Variants in SLC29A4 observed in about 807,000 individuals in gnomAD.
The protein encoded by SLC29A4 is equilibrative nucleoside transporter 4.
In SLC29A4, 36 loss-of-function variants were observed where a neutral mutation model predicts 43.9. The observed-to-expected ratio is 0.82, with a 90% CI of 0.63 to 1.08. SLC29A4 has a LOEUF of 1.08. Ranked by LOEUF, SLC29A4 falls within the 50% of genes least tolerant of loss-of-function variation. The pLI is 0.00. For missense variants in SLC29A4, 869 were observed against 755.3 expected (o/e 1.15, Z -1.77); for synonymous variants, 491 against 338.0 (o/e 1.45, Z -4.97).
intron 7 of SLC29A4, 46 bp downstream of exon 7, chr7:5,297,244 C>T (rs1785769809): frequency 4.0e-6 from 6 of 1,482,442 alleles, no homozygotes; most frequent in Non-Finnish European, 5.4e-6. Flanking sequence ...GTCCCCTTCT[C>T]TGTCCCCACC....
chr7:5,302,065 C>T (rs1786207608), intron 10 of SLC29A4, among the ~76,000 whole-genome samples: 2 of 152,202 alleles, frequency 1.3e-5, no homozygotes, highest in Admixed American at 6.5e-5. Flanking sequence ...ATTCTCATGC[C>T]TCAGCCTCCT....
intron 7 of SLC29A4, 73 bp from the exon 8 acceptor site, chr7:5,298,915 G>A: frequency 6.5e-7 from 1 of 1,538,814 alleles, no homozygotes. Flanking sequence ...CTTCTGATTG[G>A]GCCTGGATTC....
At chr7:5,302,228 G>T (rs568844349) in intron 10 of SLC29A4, among the ~76,000 whole-genome samples, 1 of 152,298 alleles carries the variant, frequency 6.6e-6, no homozygotes, top group African/African-American at 2.4e-5. Flanking sequence ...TGGGATTATA[G>T]GTGTCAGCCA....
chr7:5,306,904 A>G lies in SLC29A4; in HGVS notation c.*3965A>G, dbSNP rs1460699512. ...AAAAAAAAAACCAATAATTCCCCCA[A>G]AAAACAAACCCAAAGTCTGGCTTTT... is the stretch of plus-strand genomic sequence containing the variant. On this transcript the variant is annotated 3_prime_UTR_variant, in exon 11 of 11. Coordinates refer to ENST00000396872, the MANE Select transcript of SLC29A4 (RefSeq NM_153247.4). 2 of 151,298 alleles carry G rather than the reference A, an allele frequency of 1.3e-5. No homozygotes were observed. Among genetic ancestry groups the G allele is most frequent in the African/African-American group, 2.4e-5 (1 of 41,130 alleles). 9.4% of individuals were successfully genotyped at this position (151,298 alleles called of 1,614,324 possible).
chr7:5,299,018 G>C lies in SLC29A4; in HGVS notation c.913G>C (p.Glu305Gln). 6.2e-7 allele frequency: 1 copy of C among 1,610,942 alleles called. No individual in the cohort carries two copies. Among genetic ancestry groups the C allele is most frequent in the South Asian group, 1.1e-5 (1 of 91,004 alleles). ...EHPAPALAPN[E>Q]SPKDSPAHEV... is the part of the protein sequence containing the mutation. Reference sequence around the variant, plus strand: ...CCCAGCCCCGGCCCTGGCCCCCAACGAGTCCCCAAAGGACAGCCCAGCCCA... The same window carrying C: ...CCCAGCCCCGGCCCTGGCCCCCAACCAGTCCCCAAAGGACAGCCCAGCCCA... Residue 305 changes from glutamate (E) to glutamine (Q), a missense_variant, in exon 8 of 11, where the codon GAG becomes CAG. Transcript: ENST00000396872.
intron 6 of SLC29A4, among the ~76,000 whole-genome samples, chr7:5,295,957 C>A (rs114091752): frequency 2.0e-5 from 3 of 152,124 alleles, no homozygotes; most frequent in African/African-American, 7.2e-5. Flanking sequence ...CCCACCATGG[C>A]CCTGACCCAC....
Position 5,299,231 on chromosome 7 carries a change from A to G in SLC29A4, c.1022-9A>G, listed in dbSNP as rs1371252068. On this transcript the variant is annotated splice_polypyrimidine_tract_variant and intron_variant, in intron 8 of 10. Transcript: ENST00000396872. ...GCGCTGCCTCTGACCCCCGCCCGCCACCCTCCAGCCCTGTTACTGCACCGC... is the reference window on the plus strand; with the variant it reads ...GCGCTGCCTCTGACCCCCGCCCGCCGCCCTCCAGCCCTGTTACTGCACCGC... 1 of 1,607,468 alleles carries G rather than the reference A, an allele frequency of 6.2e-7. No individual in the cohort carries two copies. The highest frequency in any genetic ancestry group is 2.2e-5 in the East Asian group (1 of 44,736).
chr7:5,300,282 C>T (rs752668677), intron 9 of SLC29A4, 140 bp from the exon 10 acceptor site: 146 of 1,293,732 alleles, frequency 1.1e-4, no homozygotes, highest in East Asian at 4.3e-4. Context: ...AGGGGTGATC[C>T]GGAGAAGGGC....
rs555894375 is a variant in SLC29A4 at position 5,306,849 on chromosome 7, G to C, written c.*3910G>C. 23 of 147,968 alleles carry C rather than the reference G, an allele frequency of 1.6e-4. No individual in the cohort carries two copies. The South Asian group carries it at 3.2e-3, about 21-fold the overall frequency. The allele number at this position is 147,968 out of a possible 1,614,324, so 9.2% of individuals were successfully genotyped here. A position where few individuals can be genotyped will look rare whatever the true frequency, so the allele number is the denominator to read the frequency against. ...TATGAAAAAAGATCACACAGAATTTGCCAACAAACAAAATTCCAAAAGAAA... is the reference window on the plus strand; with the variant it reads ...TATGAAAAAAGATCACACAGAATTTCCCAACAAACAAAATTCCAAAAGAAA... On this transcript the variant is annotated 3_prime_UTR_variant, in exon 11 of 11. Transcript: ENST00000396872.
intron 4 of SLC29A4, 144 bp from the exon 5 acceptor site, chr7:5,291,547 CCT>C (rs1268852242): frequency 2.7e-6 from 3 of 1,118,926 alleles, no homozygotes; most frequent in Non-Finnish European, 3.7e-6. Flanking sequence ...TCCAGGTGCC[CCT>C]GTTAGACTCG....
intron 3 of SLC29A4, 108 bp downstream of exon 3, chr7:5,290,971 CA>C (rs1785266801): frequency 6.5e-7 from 1 of 1,534,726 alleles, no homozygotes; most frequent in Non-Finnish European, 8.8e-7. Flanking sequence ...CTGTTTTATT[CA>C]GATCTCGGCT....
chr7:5,299,299 G>T lies in SLC29A4; in HGVS notation c.1081G>T (p.Ala361Ser), dbSNP rs773348661. The T allele has an allele frequency of 6.2e-7, 1 of 1,611,990 alleles. No homozygotes were observed. The highest frequency in any genetic ancestry group is 2.2e-5 in the East Asian group (1 of 44,882). ...GATCTGGGCCGACATGCTCTCCATCGCCGTGACCTACTTCATCACGCTGTG... is the reference window on the plus strand; with the variant it reads ...GATCTGGGCCGACATGCTCTCCATCTCCGTGACCTACTTCATCACGCTGTG... ...RVIWADMLSIAVTYFITLCLF... is the reference protein window; with the variant it reads ...RVIWADMLSISVTYFITLCLF... Residue 361 changes from alanine (A) to serine (S), a missense_variant, in exon 9 of 11, where the codon GCC becomes TCC. Transcript: ENST00000396872.
intron 1 of SLC29A4, among the ~76,000 whole-genome samples, chr7:5,285,615 C>T (rs1784897456): frequency 1.3e-5 from 2 of 152,186 alleles, no homozygotes; most frequent in African/African-American, 4.8e-5. Context: ...GAAAACCTGC[C>T]TAGAGGCTGG....
chr7:5,296,751 TGGGCGGGGCCTGTGGGTGG>T (rs1359194232), intron 6 of SLC29A4, among the ~76,000 whole-genome samples, 166 bp from the exon 7 acceptor site: 4 of 119,960 alleles, frequency 3.3e-5, no homozygotes, highest in Non-Finnish European at 5.3e-5. Flanking sequence ...CCGGCGGTGA[TGGGCGGGGCCTGTGGGTGG>T]GGGCAGGGCC....
In SLC29A4 at chr7:5,299,419, G is replaced by A. The variant is rs1427299539; in HGVS notation, c.1201G>A (p.Val401Met). 4.3e-6 allele frequency: 7 copies of A among 1,610,094 alleles called. No individual in the cohort carries two copies. Among genetic ancestry groups the A allele is most frequent in the East Asian group, 2.2e-5 (1 of 44,864 alleles). ...GGCTGTGTTCAACCTGTCAGACTTC[G>A]TGGGCAAGGTGGGCTGCCTGCCCTG... ...IMAVFNLSDF[V>M]GKILAALPVD... is the part of the protein sequence containing the mutation. The change falls in exon 9 of 11, where the codon GTG becomes ATG. Residue 401 changes from valine (V) to methionine (M), a missense_variant. Coordinates refer to ENST00000396872, the MANE Select transcript of SLC29A4 (RefSeq NM_153247.4).
chr7:5,287,656 G>C (rs1785043074), intron 1 of SLC29A4, 153 bp from the exon 2 acceptor site: 2 of 718,652 alleles, frequency 2.8e-6, no homozygotes, highest in African/African-American at 3.6e-5. Flanking sequence ...CACTTTCCTG[G>C]CTCCTTTGCA....
chr7:5,283,927 C>T (rs1463066939), intron 1 of SLC29A4, among the ~76,000 whole-genome samples: 1 of 152,092 alleles, frequency 6.6e-6, no homozygotes. Flanking sequence ...GGGGTCCCGA[C>T]GCCCAGCGCT....
At position 5,297,043 on chromosome 7, in the gene SLC29A4, C is replaced by G. The variant is rs767671399; in HGVS notation, c.727C>G (p.Leu243Val). The G allele has an allele frequency of 2.5e-6, 4 of 1,607,496 alleles. No individual in the cohort carries two copies. The East Asian group carries it at 6.7e-5, about 27-fold the overall frequency. ...IFFLVSVALE[L>V]LCFLLHLLVR... The stretch of plus-strand genomic sequence containing the variant: ...CTTCCTGGTGTCGGTGGCGCTGGAG[C>G]TGCTGTGTTTCCTGCTGCACCTGTT... The change falls in exon 7 of 11, where the codon CTG becomes GTG. Residue 243 changes from leucine (L) to valine (V), a missense_variant. Coordinates refer to ENST00000396872, the MANE Select transcript of SLC29A4 (RefSeq NM_153247.4).
At chr7:5,297,288 C>A in intron 7 of SLC29A4, 90 bp downstream of exon 7, 2 of 1,383,904 alleles carry the variant, frequency 1.4e-6, no homozygotes, top group South Asian at 1.5e-5. Flanking sequence ...CCCAGCCTCT[C>A]ACCTGCATCC....
Sources: allele counts gnomAD v4.1 joint callset (sites outside exome capture counted in the v4.1 genomes callset), GRCh38; gene constraint gnomAD v4.1.1; transcripts MANE v1.5; gene names NCBI Gene and HGNC (gene_info 2026-07-23, HGNC 2026-07-21).